MIPOL1: variants seen among roughly 807,000 people sequenced by gnomAD.
MIPOL1 encodes mirror-image polydactyly gene 1 protein.
MIPOL1 carries 57 observed loss-of-function variants against 60.9 expected under a neutral mutation model. That is an observed-to-expected ratio of 0.94 (90% confidence interval 0.76 to 1.17). The LOEUF (loss-of-function observed/expected upper bound fraction) is 1.17. Among genes scored for constraint, MIPOL1 ranks in the 50% most tolerant of loss-of-function variants. MIPOL1 has a pLI of 0.00. For synonymous variants in MIPOL1, 179 were observed against 168.8 expected (o/e 1.06, Z -0.47); for missense variants, 551 against 511.6 (o/e 1.08, Z -0.74).
At chr14:37,367,853 A>G (rs1228217414) in intron 9 of MIPOL1, among the ~76,000 whole-genome samples, 2 of 152,016 alleles carry the variant, frequency 1.3e-5, no homozygotes, top group Non-Finnish European at 2.9e-5. Context: ...TGCCGTGTTC[A>G]TTTTCTCGGG....
intron 9 of MIPOL1, among the ~76,000 whole-genome samples, chr14:37,361,417 TG>T: frequency 6.6e-6 from 1 of 152,038 alleles, no homozygotes; most frequent in South Asian, 2.1e-4. Flanking sequence ...AGTCTAATAT[TG>T]ACAGTGGGGT....
intron 7 of MIPOL1, among the ~76,000 whole-genome samples, chr14:37,296,468 A>C (rs1349550749): frequency 6.6e-6 from 1 of 152,236 alleles, no homozygotes; most frequent in Non-Finnish European, 1.5e-5. Flanking sequence ...GCAGAACTGA[A>C]GGAAATAGAG....
chr14:37,431,344 G>T lies in MIPOL1; in HGVS notation c.1031+8395G>T, dbSNP rs114343078. ...TGCAATCATTGTCACTTTTGCCTTT[G>T]CCTACTTAGACTACACCTGAATAAT... On this transcript the variant is annotated intron_variant, in intron 11 of 12. Transcript: ENST00000684589. Among the ~76,000 whole-genome samples the T allele has an allele frequency of 4.7e-3, 710 of 151,880 alleles. 4 individuals are homozygous for T. The highest frequency in any genetic ancestry group is 0.015 in the African/African-American group (630 of 41,426).
intron 3 of MIPOL1, among the ~76,000 whole-genome samples, chr14:37,262,507 A>G (rs903352525): frequency 2.6e-5 from 4 of 152,134 alleles, no homozygotes; most frequent in African/African-American, 9.7e-5. Flanking sequence ...GGTTCTTTTT[A>G]TATTTATAAA....
chr14:37,234,357 TTTTC>T (rs1430323813), intron 1 of MIPOL1, among the ~76,000 whole-genome samples: 7 of 142,486 alleles, frequency 4.9e-5, no homozygotes, highest in Admixed American at 1.4e-4. Flanking sequence ...TTTTCTTTTC[TTTTC>T]TTTTTTTTTT....
chr14:37,504,640 C>G (rs1229351547), intron 12 of MIPOL1: 3 of 152,044 alleles, frequency 2.0e-5, no homozygotes, highest in African/African-American at 7.2e-5. Context: ...ACTAAATGCC[C>G]ACAAGAGAAA....
chr14:37,369,161 A>G (rs1046026898), intron 9 of MIPOL1, among the ~76,000 whole-genome samples: 4 of 152,028 alleles, frequency 2.6e-5, no homozygotes, highest in African/African-American at 7.2e-5. Flanking sequence ...TTAGAATCCA[A>G]TATGATTTTT....
intron 3 of MIPOL1, among the ~76,000 whole-genome samples, chr14:37,256,727 C>G (rs920669918): frequency 2.0e-4 from 24 of 122,132 alleles, no homozygotes; most frequent in Non-Finnish European, 4.1e-4. Flanking sequence ...AGTCTTTGAT[C>G]TCTTGAGAAT....
At chr14:37,354,974 C>T (rs1310173232) in intron 9 of MIPOL1, among the ~76,000 whole-genome samples, 1 of 97,310 alleles carries the variant, frequency 1.0e-5, no homozygotes, top group African/African-American at 3.9e-5. Context: ...TTATTTTGCT[C>T]GTTAGTTGAT....
intron 11 of MIPOL1, among the ~76,000 whole-genome samples, chr14:37,425,851 G>A (rs1367767209): frequency 2.0e-5 from 3 of 152,068 alleles, no homozygotes; most frequent in African/African-American, 4.8e-5. Context: ...TTGGAAATTC[G>A]GTGGCCATTA....
rs115121567 is a variant in MIPOL1, at chr14:37,222,792, A to G, written c.-198-24311A>G. Among the ~76,000 whole-genome samples, 877 of 152,208 alleles carry G rather than the reference A, an allele frequency of 5.8e-3. 9 individuals carry two copies. The highest frequency in any genetic ancestry group is 0.021 in the African/African-American group (854 of 41,520). On this transcript the variant is annotated intron_variant, in intron 1 of 12. Coordinates refer to ENST00000684589, the MANE Select transcript of MIPOL1 (RefSeq NM_001388067.1). ...TGTCCTAAGCTTTCCATTTATGTCA[A>G]TCTAAGCTTTTTCTAGCCTGTTCCT...
chr14:37,274,906 G>A (rs2083540575), intron 6 of MIPOL1, among the ~76,000 whole-genome samples: 1 of 151,142 alleles, frequency 6.6e-6, no homozygotes, highest in Non-Finnish European at 1.5e-5. Context: ...GTGTGGTTAT[G>A]TAAATTACTA....
At chr14:37,210,796 T>A (rs768051038) in intron 1 of MIPOL1, among the ~76,000 whole-genome samples, 2 of 152,136 alleles carry the variant, frequency 1.3e-5, no homozygotes, top group Non-Finnish European at 2.9e-5. Flanking sequence ...GAGAGGGCAA[T>A]GTCTGGTTAT....
At chr14:37,421,804 A>T (rs2093877298) in intron 10 of MIPOL1, among the ~76,000 whole-genome samples, 1 of 147,932 alleles carries the variant, frequency 6.8e-6, no homozygotes, top group Non-Finnish European at 1.5e-5. Flanking sequence ...TAATTTTCCT[A>T]TAATCAGGGT....
At chr14:37,212,068 A>G (rs528947486) in intron 1 of MIPOL1, among the ~76,000 whole-genome samples, 1 of 152,234 alleles carries the variant, frequency 6.6e-6, no homozygotes, top group East Asian at 1.9e-4. Flanking sequence ...CAACAGTGAT[A>G]CCCAGGTACT....
intron 3 of MIPOL1, among the ~76,000 whole-genome samples, chr14:37,260,273 G>GTATCTCCTTTCA (rs2082429916): frequency 6.7e-6 from 1 of 149,058 alleles, no homozygotes. Flanking sequence ...ACCTAATTTA[G>GTATCTCCTTTCA]TATCTCCTTT....
At chr14:37,497,614 G>T (rs1273738570) in intron 11 of MIPOL1, among the ~76,000 whole-genome samples, 1 of 152,200 alleles carries the variant, frequency 6.6e-6, no homozygotes, top group East Asian at 1.9e-4. Flanking sequence ...GCTGAGGCAG[G>T]AGGACTGTTT....
intron 9 of MIPOL1, among the ~76,000 whole-genome samples, chr14:37,351,343 A>T (rs1435137296): frequency 1.4e-5 from 2 of 143,422 alleles, no homozygotes; most frequent in Non-Finnish European, 3.1e-5. Flanking sequence ...AGTCTTTGCT[A>T]TTGTGAATAA....
intron 11 of MIPOL1, among the ~76,000 whole-genome samples, chr14:37,481,487 A>G (rs1056510885): frequency 6.6e-6 from 1 of 151,784 alleles, no homozygotes; most frequent in African/African-American, 2.4e-5. Flanking sequence ...TCAGTGCAAT[A>G]ATTATCAGAA....
Sources: gnomAD v4.1 joint callset for allele counts (sites outside exome capture counted in the v4.1 genomes callset) on GRCh38, gnomAD v4.1.1 for gene constraint, MANE v1.5 for transcripts, NCBI Gene and HGNC (gene_info 2026-07-23, HGNC 2026-07-21) for gene names.